The following DNM3 variants were observed in gnomAD, a reference collection of about 807,000 sequenced individuals.
DNM3 encodes the protein dynamin 3.
In DNM3, 47 loss-of-function variants were observed where a neutral mutation model predicts 101.6. The ratio of observed to expected loss-of-function variants is 0.46; its 90% CI spans 0.37 to 0.59. The LOEUF is 0.59. Ranked by LOEUF, DNM3 falls within the 20% of genes least tolerant of loss-of-function variation. The probability of loss-of-function intolerance (pLI) is 0.00; values close to 1 mark genes in which losing one functional copy is unlikely to be tolerated. For missense variants in DNM3, 849 were observed against 1,085.7 expected, an observed-to-expected ratio of 0.78 and a Z score of 3.06; for synonymous variants, 385 against 387.9, an observed-to-expected ratio of 0.99 and a Z score of 0.09.
intron 17 of DNM3, among the ~76,000 whole-genome samples, chr1:172,375,015 A>G (rs1005586684): frequency 6.6e-6 from 1 of 152,218 alleles, no homozygotes; most frequent in African/African-American, 2.4e-5. Context: ...CTTTACAGTT[A>G]CAAGTTTTTA....
chr1:172,266,197 C>T (rs1573209979), intron 15 of DNM3, among the ~76,000 whole-genome samples: 1 of 152,172 alleles, frequency 6.6e-6, no homozygotes, highest in East Asian at 1.9e-4. Context: ...TCAGGTTGTT[C>T]ATTTATATAC....
intron 15 of DNM3, among the ~76,000 whole-genome samples, chr1:172,285,905 G>A (rs1223200283): frequency 6.6e-6 from 1 of 151,918 alleles, no homozygotes; most frequent in Non-Finnish European, 1.5e-5. Flanking sequence ...ACTCCCTCTG[G>A]GTGTTTGTGG....
chr1:172,152,287 C>G (rs972571216), intron 14 of DNM3, among the ~76,000 whole-genome samples: 4 of 147,682 alleles, frequency 2.7e-5, no homozygotes, highest in African/African-American at 7.5e-5. Flanking sequence ...TTTCAGTGAT[C>G]CCAGACCCAG....
chr1:172,351,777 A>G lies in DNM3; in HGVS notation c.1894-27241A>G, dbSNP rs150964787. Among the ~76,000 whole-genome samples, 377 of 152,304 alleles carry G rather than the reference A, an allele frequency of 2.5e-3. 5 individuals are homozygous for G. Among genetic ancestry groups the G allele is most frequent in the Non-Finnish European group, 1.5e-3 (102 of 68,030 alleles). On this transcript the variant is annotated intron_variant, in intron 17 of 20. Coordinates refer to ENST00000627582, the MANE Select transcript of DNM3 (RefSeq NM_015569.5). ...ACAATTGTTGTGAAGTTTTCTTCAC[A>G]CTGTATTGCTAAACAGGATGTCTTT... is the stretch of plus-strand genomic sequence containing the variant.
chr1:172,065,625 T>C (rs77687407), intron 10 of DNM3, among the ~76,000 whole-genome samples: 83 of 152,310 alleles, frequency 5.4e-4, no homozygotes, highest in African/African-American at 2.0e-3. Flanking sequence ...TCCATTTGTA[T>C]CTTGCGGTAA....
rs2053183469 is a variant in DNM3 at position 172,081,977 on chromosome 1, A to G, written c.1493+75A>G. On this transcript the variant is annotated intron_variant, in intron 12 of 20. Coordinates refer to ENST00000627582, the MANE Select transcript of DNM3 (RefSeq NM_015569.5). ...CAAACACACATTGTGAATTTTTACT[A>G]CAGTTTCACCACCTTTGAGAATACA... 9.8e-6 allele frequency: 14 copies of G among 1,431,524 alleles called. No individual in the cohort carries two copies. In the South Asian group the frequency reaches 1.3e-4, roughly 13 times the overall value. 88.7% of individuals were successfully genotyped at this position (1,431,524 alleles called of 1,614,324 possible). A position where few individuals can be genotyped will look rare whatever the true frequency, so the allele number is the denominator to read the frequency against.
chr1:172,237,116 T>C (rs147671983), intron 14 of DNM3, among the ~76,000 whole-genome samples: 2 of 152,308 alleles, frequency 1.3e-5, no homozygotes, highest in East Asian at 1.9e-4. Flanking sequence ...TAGGTTCAAT[T>C]ACATATGTCA....
At chr1:172,057,357 C>T (rs1296213453) in intron 10 of DNM3, among the ~76,000 whole-genome samples, 1 of 152,114 alleles carries the variant, frequency 6.6e-6, no homozygotes, top group African/African-American at 2.4e-5. Flanking sequence ...CACAAAGATA[C>T]TCCTCGAGAA....
intron 20 of DNM3, chr1:172,399,968 T>C (rs1311938627): frequency 6.6e-6 from 1 of 152,024 alleles, no homozygotes; most frequent in Non-Finnish European, 1.5e-5. Context: ...TCTGTGAGTA[T>C]TTCTAGTTAC....
At chr1:172,146,390 C>T (rs1382748081) in intron 14 of DNM3, among the ~76,000 whole-genome samples, 1 of 152,066 alleles carries the variant, frequency 6.6e-6, no homozygotes, top group Non-Finnish European at 1.5e-5. Flanking sequence ...TATCTGGCAT[C>T]TTAGGATGGA....
At chr1:172,200,533 G>A (rs61633880) in intron 14 of DNM3, among the ~76,000 whole-genome samples, 15,161 of 152,088 alleles carry the variant, frequency 0.1, 1,119 homozygotes, top group African/African-American at 0.2. Context: ...TTCCCTTTCA[G>A]GGATGCCAGT....
At chr1:172,297,690 T>C (rs967798024) in intron 15 of DNM3, among the ~76,000 whole-genome samples, 1 of 152,160 alleles carries the variant, frequency 6.6e-6, no homozygotes, top group African/African-American at 2.4e-5. Context: ...TTCTAAATAA[T>C]TTTTACTTTT....
At chr1:172,156,480 C>T (rs74126016) in intron 14 of DNM3, among the ~76,000 whole-genome samples, 4,063 of 152,036 alleles carry the variant, frequency 0.027, 175 homozygotes, top group African/African-American at 0.092. Context: ...ATGTTCCAGA[C>T]GATTCAGGAT....
chr1:172,235,848 G>T (rs1209266836), intron 14 of DNM3, among the ~76,000 whole-genome samples: 1 of 152,082 alleles, frequency 6.6e-6, no homozygotes, highest in Non-Finnish European at 1.5e-5. Flanking sequence ...CCTGTTTTGG[G>T]GTGGGGAGAG....
At chr1:172,415,027 T>C (rs559776142), downstream of DNM3, among the ~76,000 whole-genome samples, 14 of 152,168 alleles carry the variant, frequency 9.2e-5, no homozygotes, top group Non-Finnish European at 1.9e-4. Context: ...GAGACTGCAG[T>C]GAACTGTGAT....
rs2057024034 is a variant in DNM3 at position 172,133,020 on chromosome 1, C to T, written c.1659+1732C>T. On this transcript the variant is annotated intron_variant, in intron 14 of 20. Coordinates refer to ENST00000627582, the MANE Select transcript of DNM3 (RefSeq NM_015569.5). ...CAACCACAAATAAAGGCAAGAATCC[C>T]AGAGATGCCTGGAGTTGTCCAAGCC... 3 of 1,512,400 alleles carry T rather than the reference C, an allele frequency of 2.0e-6. No individual in the cohort carries two copies. In the South Asian group the frequency reaches 3.9e-5, roughly 20 times the overall value. The allele number at this position is 1,512,400 out of a possible 1,614,324, so 93.7% of individuals were successfully genotyped here. A position where few individuals can be genotyped will look rare whatever the true frequency, so the allele number is the denominator to read the frequency against.
chr1:171,882,514 A>G (rs2036377345), intron 1 of DNM3, among the ~76,000 whole-genome samples: 1 of 151,818 alleles, frequency 6.6e-6, no homozygotes, highest in African/African-American at 2.4e-5. Context: ...ACTCCTAAAC[A>G]TTTCAGCATG....
intron 14 of DNM3, among the ~76,000 whole-genome samples, chr1:172,156,364 C>T (rs760735975): frequency 7.9e-5 from 12 of 152,080 alleles, no homozygotes; most frequent in Non-Finnish European, 1.0e-4. Flanking sequence ...GGCTCCTGGA[C>T]CAGGCTCTGT....
Position 172,408,455 on chromosome 1 carries a change from T to C in DNM3, c.*614T>C. On this transcript the variant is annotated 3_prime_UTR_variant, in exon 21 of 21. Transcript: ENST00000627582. Reference sequence around the variant, plus strand: ...GTCTGCACTGTTTGCTCTAAAGAGCTTCTCCTCATTCCAATGTGTTTTGCT... The same window carrying C: ...GTCTGCACTGTTTGCTCTAAAGAGCCTCTCCTCATTCCAATGTGTTTTGCT... 1.0e-6 allele frequency: 1 copy of C among 985,434 alleles called. No individual in the cohort carries two copies. Among genetic ancestry groups the C allele is most frequent in the African/African-American group, 1.7e-5 (1 of 57,362 alleles). The allele number at this position is 985,434 out of a possible 1,614,324, so 61.0% of individuals were successfully genotyped here.
Sources: gnomAD v4.1 joint callset for allele counts (sites outside exome capture counted in the v4.1 genomes callset) on GRCh38, gnomAD v4.1.1 for gene constraint, MANE v1.5 for transcripts, NCBI Gene and HGNC (gene_info 2026-07-23, HGNC 2026-07-21) for gene names.